KAZN: variants seen among roughly 807,000 people sequenced by gnomAD.
The protein encoded by KAZN is kazrin.
Under a neutral mutation model 87.4 loss-of-function variants are expected in KAZN, and 40 were observed. The observed-to-expected ratio is 0.46, with a 90% CI of 0.36 to 0.60. The LOEUF (loss-of-function observed/expected upper bound fraction) is 0.60. Among genes scored for constraint, KAZN ranks in the 20% least tolerant of loss-of-function variants. The pLI is 0.00. For synonymous variants in KAZN, 466 were observed against 458.3 expected (o/e 1.02, Z -0.22); for missense variants, 898 against 1,073.9 (o/e 0.84, Z 2.29).
At chr1:14,000,868 C>T (rs1201709258) in intron 1 of KAZN, among the ~76,000 whole-genome samples, 13 of 151,588 alleles carry the variant, frequency 8.6e-5, no homozygotes, top group Admixed American at 6.6e-4. Flanking sequence ...CTGCAAGCTC[C>T]GCCTCCCGGG....
chr1:14,746,152 A>T (rs1644254843), intron 1 of KAZN, among the ~76,000 whole-genome samples: 1 of 152,172 alleles, frequency 6.6e-6, no homozygotes, highest in Non-Finnish European at 1.5e-5. Context: ...CGTGATGGGC[A>T]TGTGTTCTGT....
intron 1 of KAZN, among the ~76,000 whole-genome samples, chr1:14,663,153 T>C (rs1639304343): frequency 6.6e-6 from 1 of 151,952 alleles, no homozygotes; most frequent in Non-Finnish European, 1.5e-5. Flanking sequence ...AAATTCTTTT[T>C]TTCCATACAG....
chr1:14,665,932 CAAA>C (rs60081619), intron 1 of KAZN, among the ~76,000 whole-genome samples: 92 of 107,998 alleles, frequency 8.5e-4, no homozygotes, highest in Middle Eastern at 9.7e-3. Context: ...AAGCTTTGCT[CAAA>C]AAAAAAAAAA....
At chr1:15,083,372 G>A (rs558257201) in intron 8 of KAZN, among the ~76,000 whole-genome samples, 6 of 152,176 alleles carry the variant, frequency 3.9e-5, no homozygotes, top group South Asian at 2.1e-4. Context: ...GGGCCTGTCC[G>A]GCCATCACCT....
intron 1 of KAZN, among the ~76,000 whole-genome samples, chr1:14,764,339 G>C (rs969667572): frequency 9.3e-5 from 14 of 149,966 alleles, no homozygotes; most frequent in Non-Finnish European, 1.8e-4. Context: ...TCCTGATCAC[G>C]ATCACCCTAT....
intron 1 of KAZN, among the ~76,000 whole-genome samples, chr1:14,941,988 T>C (rs1238429099): frequency 2.6e-5 from 4 of 152,230 alleles, no homozygotes; most frequent in Non-Finnish European, 5.9e-5. Flanking sequence ...GTGGTCAGCC[T>C]ACAATTCCAG....
intron 1 of KAZN, among the ~76,000 whole-genome samples, chr1:14,837,585 C>T (rs2100913722): frequency 7.5e-6 from 1 of 133,544 alleles, no homozygotes; most frequent in South Asian, 2.4e-4. Context: ...CAGGGTCTTG[C>T]TCTGTCACCC....
chr1:14,810,864 G>A (rs1331480784), intron 1 of KAZN, among the ~76,000 whole-genome samples: 1 of 152,218 alleles, frequency 6.6e-6, no homozygotes, highest in Non-Finnish European at 1.5e-5. Flanking sequence ...TAGCCTGCCA[G>A]CCCAAATGGG....
intron 1 of KAZN, among the ~76,000 whole-genome samples, chr1:13,941,760 T>TCAC (rs1167886361): frequency 1.3e-5 from 2 of 151,998 alleles, no homozygotes; most frequent in Non-Finnish European, 2.9e-5. Context: ...CCTACCACCA[T>TCAC]CACCACCACC....
At position 15,099,784 on chromosome 1, in the gene KAZN, G is replaced by A. The variant is rs1034867461; in HGVS notation, c.1548-1759G>A. Among the ~76,000 whole-genome samples, 1 of 152,184 alleles carries A rather than the reference G, an allele frequency of 6.6e-6. No individual in the cohort carries two copies. The highest frequency in any genetic ancestry group is 2.1e-4 in the South Asian group (1 of 4,834). On this transcript the variant is annotated intron_variant, in intron 10 of 14. Transcript: ENST00000376030. This position sits in a 1 kb window ranked among gnomAD's most constrained non-coding sequence, Gnocchi z 5.4. ...GTCCTGGGGGATGCGGAATAGAAGG[G>A]AAGCAAAGGCAGGAAACGGGGAGCA...
chr1:14,063,941 C>T (rs529889378), intron 1 of KAZN, among the ~76,000 whole-genome samples: 18 of 145,184 alleles, frequency 1.2e-4, no homozygotes, highest in South Asian at 1.1e-3. Context: ...TGTGAATCTA[C>T]GAAACCTCTC....
intron 2 of KAZN, among the ~76,000 whole-genome samples, chr1:14,236,774 AAG>A (rs2100561684): frequency 6.6e-6 from 1 of 151,966 alleles, no homozygotes; most frequent in Admixed American, 6.5e-5. Flanking sequence ...ACAACAACAA[AAG>A]AGCCGGGTGT....
intron 1 of KAZN, among the ~76,000 whole-genome samples, chr1:14,865,029 G>A (rs1651294710): frequency 6.6e-6 from 1 of 152,106 alleles, no homozygotes; most frequent in Non-Finnish European, 1.5e-5. Flanking sequence ...GCAAACCCCA[G>A]GTACCATCTC....
In KAZN at chr1:15,070,181, G is replaced by A. The variant is rs12022897; in HGVS notation, c.1222+4428G>A. ...CGCCAAGCAGCTGGGCCTTCTCCCAGGGGGGCATCTTCAGTGCATCATCTG... is the reference window on the plus strand; with the variant it reads ...CGCCAAGCAGCTGGGCCTTCTCCCAAGGGGGCATCTTCAGTGCATCATCTG... On this transcript the variant is annotated intron_variant, in intron 8 of 14. Coordinates refer to ENST00000376030, the MANE Select transcript of KAZN (RefSeq NM_201628.3). Among the ~76,000 whole-genome samples the A allele has an allele frequency of 8.1e-3, 1,230 of 152,294 alleles. 27 individuals carry two copies. The highest frequency in any genetic ancestry group is 0.072 in the East Asian group (370 of 5,154).
chr1:14,640,263 G>A (rs1256941451), intron 1 of KAZN, among the ~76,000 whole-genome samples: 1 of 152,178 alleles, frequency 6.6e-6, no homozygotes, highest in African/African-American at 2.4e-5. Flanking sequence ...AACCGTCTGG[G>A]ACCTGCTGGA....
chr1:14,951,851 G>A (rs754237355), intron 1 of KAZN, among the ~76,000 whole-genome samples: 3 of 152,138 alleles, frequency 2.0e-5, no homozygotes, highest in Non-Finnish European at 2.9e-5. Flanking sequence ...TCATTCCAGT[G>A]TACTAAGATC....
intron 2 of KAZN, among the ~76,000 whole-genome samples, chr1:14,485,223 C>T (rs1669285731): frequency 6.6e-6 from 1 of 152,230 alleles, no homozygotes; most frequent in South Asian, 2.1e-4. Context: ...CAGCATTTCC[C>T]TTTCATTGAC....
At chr1:14,135,533 A>G (rs1307626427) in intron 1 of KAZN, among the ~76,000 whole-genome samples, 1 of 152,236 alleles carries the variant, frequency 6.6e-6, no homozygotes, top group Non-Finnish European at 1.5e-5. Flanking sequence ...GACCCTTGAG[A>G]TTGAAGACTG....
At position 15,065,670 on chromosome 1, in the gene KAZN, AAG is replaced by A; in HGVS notation, c.1143_1144del (p.Lys382AspfsTer25). The A allele has an allele frequency of 6.2e-7, 1 of 1,614,142 alleles. No homozygotes were observed. The highest frequency in any genetic ancestry group is 2.2e-5 in the East Asian group (1 of 44,876). On this transcript the variant is annotated frameshift_variant, in exon 8 of 15. Coordinates refer to ENST00000376030, the MANE Select transcript of KAZN (RefSeq NM_201628.3). LOFTEE classifies it high-confidence loss of function. ...GAAGACCAAAAACGGAAAAAGAAGA[AAG>A]AGAAGATGGGATTCGGCTCCATCTC...
Sources: gnomAD v4.1 joint callset for allele counts (sites outside exome capture counted in the v4.1 genomes callset) on GRCh38, gnomAD v4.1.1 for gene constraint, Gnocchi (gnomAD v3.1) non-coding constraint, MANE v1.5 for transcripts, NCBI Gene and HGNC (gene_info 2026-07-23, HGNC 2026-07-21) for gene names.